Variants in BCL2L13 observed in about 807,000 individuals in gnomAD.
BCL2L13 encodes the protein BCL2 like 13.
Under a neutral mutation model 25.8 loss-of-function variants are expected in BCL2L13, and 13 were observed. The observed-to-expected ratio is 0.50, with a 90% CI of 0.33 to 0.80. The LOEUF is 0.80. Among genes scored for constraint, BCL2L13 ranks in the 30% least tolerant of loss-of-function variants. The probability of loss-of-function intolerance (pLI) is 0.02; values close to 1 mark genes in which losing one functional copy is unlikely to be tolerated. For synonymous variants in BCL2L13, 244 were observed against 230.3 expected, an observed-to-expected ratio of 1.06 and a Z score of -0.54; for missense variants, 504 against 574.9, an observed-to-expected ratio of 0.88 and a Z score of 1.26.
chr22:17,664,733 C>A (rs1383151459), intron 2 of BCL2L13, among the ~76,000 whole-genome samples: 1 of 152,222 alleles, frequency 6.6e-6, no homozygotes, highest in Non-Finnish European at 1.5e-5. Flanking sequence ...GACTTGTGTG[C>A]ACCTGCAGGC....
chr22:17,698,055 C>T (rs544680470), intron 5 of BCL2L13, among the ~76,000 whole-genome samples: 5 of 150,294 alleles, frequency 3.3e-5, no homozygotes, highest in South Asian at 4.2e-4. Context: ...CCTCATGATC[C>T]GCTGCTCACC....
In BCL2L13 at chr22:17,655,720, C is replaced by CT; in HGVS notation, c.10dup (p.Ser4PhefsTer11). 6.2e-7 allele frequency: 1 copy of CT among 1,612,266 alleles called. No homozygotes were observed. Among genetic ancestry groups the CT allele is most frequent in the East Asian group, 2.2e-5 (1 of 44,782 alleles). ...CCTCACCAGCCAATTCAATGGCGTCCTCTTCTACTGTGCCTCTGGGATTTC... is the reference window on the plus strand; with the variant it reads ...CCTCACCAGCCAATTCAATGGCGTCCTTCTTCTACTGTGCCTCTGGGATTTC... On this transcript the variant is annotated frameshift_variant, in exon 2 of 7. Transcript: ENST00000317582. LOFTEE classifies it high-confidence loss of function.
chr22:17,685,487 G>T, intron 3 of BCL2L13, among the ~76,000 whole-genome samples: 1 of 152,120 alleles, frequency 6.6e-6, no homozygotes, highest in East Asian at 1.9e-4. Context: ...GCCTCCCAGA[G>T]TGCTGGGATT....
At chr22:17,637,832 A>AAAG (rs2058139088), upstream of BCL2L13, among the ~76,000 whole-genome samples, 1 of 152,180 alleles carries the variant, frequency 6.6e-6, no homozygotes, top group Non-Finnish European at 1.5e-5. Context: ...CACTTCCTTT[A>AAAG]GAATAGCCTT....
chr22:17,639,856 C>CT (rs113964087), intron 1 of BCL2L13, among the ~76,000 whole-genome samples: 22,388 of 140,868 alleles, frequency 0.16, 1,709 homozygotes, highest in Middle Eastern at 0.24. Context: ...TACCTTCTTT[C>CT]TTTTTTTTTT....
intron 1 of BCL2L13, among the ~76,000 whole-genome samples, chr22:17,641,956 C>A (rs534916791): frequency 2.0e-5 from 3 of 151,586 alleles, no homozygotes; most frequent in African/African-American, 7.3e-5. Context: ...CCCGCCACCA[C>A]GCCCGGCTGA....
chr22:17,651,109 C>T (rs757421582), intron 1 of BCL2L13, among the ~76,000 whole-genome samples: 4 of 148,842 alleles, frequency 2.7e-5, no homozygotes, highest in East Asian at 2.0e-4. Context: ...AAGCAATTCT[C>T]CTGCCTCAGT....
chr22:17,719,846 A>AAAC (rs796710843), intron 6 of BCL2L13, among the ~76,000 whole-genome samples: 25,463 of 127,986 alleles, frequency 0.2, 3,646 homozygotes, highest in Admixed American at 0.29. Context: ...AAAAAAAAAA[A>AAAC]AAAAGAATGA....
chr22:17,679,326 A>G (rs1000892637), intron 2 of BCL2L13, among the ~76,000 whole-genome samples: 2 of 134,970 alleles, frequency 1.5e-5, no homozygotes, highest in Non-Finnish European at 3.0e-5. Context: ...CTGGAGTGCA[A>G]TGGTGCGATC....
chr22:17,714,773 T>G (rs993969612), intron 6 of BCL2L13, among the ~76,000 whole-genome samples: 1 of 152,158 alleles, frequency 6.6e-6, no homozygotes, highest in Non-Finnish European at 1.5e-5. Flanking sequence ...TCTTTGTTTA[T>G]AGTAGAAGTT....
chr22:17,630,856 G>T (rs1440391193), intron 1 of BCL2L13, among the ~76,000 whole-genome samples: 1 of 151,932 alleles, frequency 6.6e-6, no homozygotes, highest in Non-Finnish European at 1.5e-5. Flanking sequence ...CTCCCAAAGT[G>T]CTGGGATTAC....
rs1389595229 is a variant in BCL2L13, at chr22:17,728,457, C to G, written c.*923C>G. 1 of 152,198 alleles carries G rather than the reference C, an allele frequency of 6.6e-6. No homozygotes were observed. Among genetic ancestry groups the G allele is most frequent in the African/African-American group, 2.4e-5 (1 of 41,446 alleles). The allele number at this position is 152,198 out of a possible 1,614,324, so 9.4% of individuals were successfully genotyped here. A position where few individuals can be genotyped will look rare whatever the true frequency, so the allele number is the denominator to read the frequency against. ...GATAACCTGGATGACCTTCTGAGGT[C>G]TCTTCAGCCCTTTTCGCTAGTGGTC... On this transcript the variant is annotated 3_prime_UTR_variant, in exon 7 of 7. Coordinates refer to ENST00000317582, the MANE Select transcript of BCL2L13 (RefSeq NM_015367.4).
At chr22:17,664,753 T>G (rs976583661) in intron 2 of BCL2L13, among the ~76,000 whole-genome samples, 3 of 152,182 alleles carry the variant, frequency 2.0e-5, no homozygotes, top group African/African-American at 7.2e-5. Context: ...CCCAACACCA[T>G]GTGGAAGCTG....
At chr22:17,709,462 G>T (rs912663561) in intron 6 of BCL2L13, among the ~76,000 whole-genome samples, 1 of 151,790 alleles carries the variant, frequency 6.6e-6, no homozygotes, top group South Asian at 2.1e-4. Context: ...AGGCATGGTC[G>T]TGCATGCCTG....
chr22:17,727,493 G>A lies in BCL2L13; in HGVS notation c.1417G>A (p.Ala473Thr). ...AGGGGCTGCTGCTGTTGCCATCCTG[G>A]CAGTGGCCATCGGGGTAGCCCTGGC... ...FGGAAAVAIL[A>T]VAIGVALALR... Residue 473 changes from alanine to threonine, a missense_variant, in exon 7 of 7, where the codon GCA (alanine) becomes ACA (threonine). Physicochemically the swap from Ala to Thr is moderately conservative, Grantham distance 58. Coordinates refer to ENST00000317582, the MANE Select transcript of BCL2L13 (RefSeq NM_015367.4). The A allele has an allele frequency of 6.2e-7, 1 of 1,614,260 alleles. No individual in the cohort carries two copies. Among genetic ancestry groups the A allele is most frequent in the Non-Finnish European group, 8.5e-7 (1 of 1,180,050 alleles).
chr22:17,633,612 G>T (rs978915276), upstream of BCL2L13, among the ~76,000 whole-genome samples: 67 of 152,092 alleles, frequency 4.4e-4, no homozygotes, highest in African/African-American at 1.6e-3. Context: ...GAATCAGCAG[G>T]ATAAATAAGC....
At chr22:17,640,500 A>G (rs1431359284) in intron 1 of BCL2L13, among the ~76,000 whole-genome samples, 1 of 152,156 alleles carries the variant, frequency 6.6e-6, no homozygotes, top group Non-Finnish European at 1.5e-5. Context: ...TCTAATCAAC[A>G]TGTATTAAAT....
chr22:17,696,084 C>T (rs2060255849), intron 4 of BCL2L13, 57 bp from the exon 5 acceptor site: 3 of 1,302,078 alleles, frequency 2.3e-6, no homozygotes, highest in Non-Finnish European at 3.3e-6. Flanking sequence ...ATGTATTCAT[C>T]TGGAAATACA....
chr22:17,646,932 C>CATATATATAT (rs1170982043), intron 1 of BCL2L13, among the ~76,000 whole-genome samples: 13 of 32,454 alleles, frequency 4.0e-4, no homozygotes, highest in African/African-American at 4.9e-4. Flanking sequence ...GTATAAACTA[C>CATATATATAT]ATATATATAT....
Sources: allele counts gnomAD v4.1 joint callset (sites outside exome capture counted in the v4.1 genomes callset), GRCh38; gene constraint gnomAD v4.1.1; transcripts MANE v1.5; gene names NCBI Gene and HGNC (gene_info 2026-07-23, HGNC 2026-07-21).